The following ATP8B2 variants were observed in gnomAD, a reference collection of about 807,000 sequenced individuals.
The protein encoded by ATP8B2 is ATPase phospholipid transporting 8B2, also known as phospholipid-transporting ATPase ID.
Under a neutral mutation model 133.4 loss-of-function variants are expected in ATP8B2, and 70 were observed. The ratio of observed to expected loss-of-function variants is 0.52; its 90% CI spans 0.43 to 0.64. The LOEUF (loss-of-function observed/expected upper bound fraction) is 0.64. ATP8B2 is among the 30% of genes least tolerant of loss of function. The pLI is 0.00. For synonymous variants in ATP8B2, 517 were observed against 589.5 expected, an observed-to-expected ratio of 0.88 and a Z score of 1.78; for missense variants, 1,101 against 1,535.7, an observed-to-expected ratio of 0.72 and a Z score of 4.73.
chr1:154,344,270 G>A lies in ATP8B2; in HGVS notation c.2035+16G>A. The A allele has an allele frequency of 6.2e-7, 1 of 1,614,200 alleles. No individual in the cohort carries two copies. The highest frequency in any genetic ancestry group is 1.1e-5 in the South Asian group (1 of 91,078). On this transcript the variant is annotated intron_variant, in intron 19 of 27. Transcript: ENST00000368489. The surrounding 1 kb of genome is among the most constrained non-coding windows in gnomAD (Gnocchi z 4.1). ...GACAAGCAAGGTGAGAGCCCAGCAG[G>A]GCAGAGCCAGTTGCAACTGACAGTA...
intron 12 of ATP8B2, 115 bp downstream of exon 12, chr1:154,337,659 T>C (rs2149167580): frequency 6.2e-7 from 1 of 1,606,482 alleles, no homozygotes; most frequent in South Asian, 1.1e-5. Context: ...CTTCTTCCTG[T>C]ACTGTAAACA....
In ATP8B2 at chr1:154,334,033, T is replaced by C; in HGVS notation, c.590-74T>C. ...TGCATCCTCTTCGCTCAGCTCATTT[T>C]CTCTTTGTTTTATTGTCTTGTGGTT... On this transcript the variant is annotated intron_variant, in intron 9 of 27. Transcript: ENST00000368489. The surrounding 1 kb of genome is among the most constrained non-coding windows in gnomAD (Gnocchi z 4.6). The C allele has an allele frequency of 6.4e-7, 1 of 1,553,432 alleles. No individual in the cohort carries two copies. The highest frequency in any genetic ancestry group is 8.8e-7 in the Non-Finnish European group (1 of 1,137,146).
intron 12 of ATP8B2, among the ~76,000 whole-genome samples, chr1:154,338,316 G>A (rs1686259988): frequency 6.6e-6 from 1 of 152,178 alleles, no homozygotes; most frequent in South Asian, 2.1e-4. Context: ...GCTCCTGATT[G>A]TGGAGGCTTT....
rs1321787092 is a variant in ATP8B2 at position 154,334,331 on chromosome 1, T to C, written c.748+66T>C. 1 of 1,584,952 alleles carries C rather than the reference T, an allele frequency of 6.3e-7. No homozygotes were observed. ...CTCAGCCAGCCCTCACTCAGGAGTA[T>C]GGGATGAGGTGGGAGAATACCTAAG... On this transcript the variant is annotated intron_variant, in intron 10 of 27. Coordinates refer to ENST00000368489, the MANE Select transcript of ATP8B2 (RefSeq NM_001370597.1). This position sits in a 1 kb window ranked among gnomAD's most constrained non-coding sequence, Gnocchi z 4.6.
rs548238603 is a variant in ATP8B2, at chr1:154,347,889, C to T, written c.3164-519C>T. Among the ~76,000 whole-genome samples the T allele has an allele frequency of 4.0e-5, 6 of 148,270 alleles. No individual in the cohort carries two copies. In the South Asian group the frequency reaches 6.4e-4, roughly 16 times the overall value. The stretch of plus-strand genomic sequence containing the variant: ...CTGGGAGGTGGAGGTTGTGGTGAGC[C>T]GAGATCGCGCCATTGCACTCCAGCC... On this transcript the variant is annotated intron_variant, in intron 26 of 27. Coordinates refer to ENST00000368489, the MANE Select transcript of ATP8B2 (RefSeq NM_001370597.1).
Position 154,346,084 on chromosome 1 carries a change from C to G in ATP8B2, c.2779-147C>G, listed in dbSNP as rs1686570076. 2 of 1,244,308 alleles carry G rather than the reference C, an allele frequency of 1.6e-6. No homozygotes were observed. Among genetic ancestry groups the G allele is most frequent in the African/African-American group, 1.5e-5 (1 of 66,726 alleles). 77.1% of individuals were successfully genotyped at this position (1,244,308 alleles called of 1,614,324 possible). ...TCTTGGGTTGCTGAACTAAGTTAGT[C>G]TGGGGGTAGCTGGCTTGAGGTTGGT... On this transcript the variant is annotated intron_variant, in intron 24 of 27. Transcript: ENST00000368489. This position sits in a 1 kb window ranked among gnomAD's most constrained non-coding sequence, Gnocchi z 4.5.
At position 154,331,690 on chromosome 1, in the gene ATP8B2, G is replaced by C. The variant is rs1195483456; in HGVS notation, c.438+12G>C. ...ACCAGTTTGTGGCGGTAAGGGACAG[G>C]GTACCCCTCTAGGCCTGTAGGTTCT... On this transcript the variant is annotated intron_variant, in intron 7 of 27. Transcript: ENST00000368489. The surrounding 1 kb of genome is among the most constrained non-coding windows in gnomAD (Gnocchi z 4.8). 6.2e-7 allele frequency: 1 copy of C among 1,612,146 alleles called. No homozygotes were observed. Among genetic ancestry groups the C allele is most frequent in the Non-Finnish European group, 8.5e-7 (1 of 1,178,156 alleles).
At chr1:154,327,924 G>A (rs929831059) in intron 1 of ATP8B2, 181 bp from the exon 2 acceptor site, 6 of 1,566,470 alleles carry the variant, frequency 3.8e-6, no homozygotes, top group Non-Finnish European at 5.3e-6. Flanking sequence ...GATGGGAGGT[G>A]GTGGGGAAGT....
intron 11 of ATP8B2, among the ~76,000 whole-genome samples, chr1:154,337,096 C>A (rs1201253454): frequency 7.5e-6 from 1 of 132,932 alleles, no homozygotes; most frequent in Non-Finnish European, 1.6e-5. Flanking sequence ...CTGCGCCCAG[C>A]CCATAATAGT....
Position 154,343,290 on chromosome 1 carries a change from T to C in ATP8B2, c.1631T>C (p.Met544Thr). ...GACTTCAACAACATCCGCAAGCGGA[T>C]GTCGGTCATAGGTGAGGCCAGGCCT... is the stretch of plus-strand genomic sequence containing the variant. ...ILDFNNIRKR[M>T]SVIVRNPEGK... The change falls in exon 16 of 28, where the codon ATG becomes ACG. Residue 544 changes from methionine to threonine, a missense_variant. Met to Thr is a moderately conservative substitution (Grantham distance 81, BLOSUM62 -1). Coordinates refer to ENST00000368489, the MANE Select transcript of ATP8B2 (RefSeq NM_001370597.1). This position sits in a 1 kb window ranked among gnomAD's most constrained non-coding sequence, Gnocchi z 5.8. 1 of 1,614,130 alleles carries C rather than the reference T, an allele frequency of 6.2e-7. No homozygotes were observed. Among genetic ancestry groups the C allele is most frequent in the Non-Finnish European group, 8.5e-7 (1 of 1,180,006 alleles).
intron 1 of ATP8B2, chr1:154,327,782 G>A (rs368933501): frequency 6.8e-5 from 109 of 1,611,340 alleles, no homozygotes; most frequent in Middle Eastern, 6.6e-4. Flanking sequence ...ACACATGAGA[G>A]CCTCCATTGT....
rs772705531 is a variant in ATP8B2, at chr1:154,345,906, G to T, written c.2778+23G>T. The T allele has an allele frequency of 3.2e-6, 5 of 1,575,444 alleles. No individual in the cohort carries two copies. The highest frequency in any genetic ancestry group is 2.6e-6 in the Non-Finnish European group (3 of 1,144,974). On this transcript the variant is annotated intron_variant, in intron 24 of 27. Coordinates refer to ENST00000368489, the MANE Select transcript of ATP8B2 (RefSeq NM_001370597.1). The surrounding 1 kb of genome is among the most constrained non-coding windows in gnomAD (Gnocchi z 5.6). ...CAGGTATGGGGGAGTTTGATGATCA[G>T]ATGGGATGCGGGGAAGGTCACTGCT...
At position 154,350,345 on chromosome 1, in the gene ATP8B2, A is replaced by C. The variant is rs1461193587; in HGVS notation, c.*1227A>C. The C allele has an allele frequency of 1.3e-5, 2 of 152,232 alleles. No homozygotes were observed. Among genetic ancestry groups the C allele is most frequent in the African/African-American group, 4.8e-5 (2 of 41,438 alleles). 9.4% of individuals were successfully genotyped at this position (152,232 alleles called of 1,614,324 possible). A position where few individuals can be genotyped will look rare whatever the true frequency, so the allele number is the denominator to read the frequency against. ...CAACCTCCCAAAGTGCTGAGATTAC[A>C]GGCGTGAGCCACCACACCCAGCTCA... On this transcript the variant is annotated 3_prime_UTR_variant, in exon 28 of 28. Transcript: ENST00000368489.
intron 13 of ATP8B2, 186 bp downstream of exon 13, chr1:154,341,248 G>A (rs1338683100): frequency 3.4e-5 from 23 of 680,124 alleles, no homozygotes; most frequent in Non-Finnish European, 5.5e-5. Context: ...ACTTTGGGAG[G>A]CTGAGGTGGG....
At chr1:154,337,641 G>A (rs763670395) in intron 12 of ATP8B2, 97 bp downstream of exon 12, 3 of 1,613,450 alleles carry the variant, frequency 1.9e-6, no homozygotes, top group Non-Finnish European at 2.5e-6. Flanking sequence ...GAAGTAACGA[G>A]AAGTCCTCTT....
At chr1:154,332,591 G>A (rs772807167) in intron 8 of ATP8B2, 27 bp from the exon 9 acceptor site, 15 of 1,540,624 alleles carry the variant, frequency 9.7e-6, no homozygotes, top group East Asian at 9.4e-5. Context: ...AGGAGGGAGC[G>A]GGGACTCAGA....
At chr1:154,335,659 C>G (rs1225453564) in intron 11 of ATP8B2, among the ~76,000 whole-genome samples, 1 of 151,966 alleles carries the variant, frequency 6.6e-6, no homozygotes, top group Non-Finnish European at 1.5e-5. Flanking sequence ...CCACTGCACT[C>G]CAGCCTGGGC....
intron 2 of ATP8B2, chr1:154,329,162 T>A (rs1432382399): frequency 3.5e-6 from 4 of 1,144,984 alleles, no homozygotes; most frequent in Non-Finnish European, 4.5e-6. Flanking sequence ...AGCCTCCCCC[T>A]ACCTGCCTTG....
Position 154,344,401 on chromosome 1 carries a change from C to T in ATP8B2, c.2042C>T (p.Ala681Val). ...CTGCGTTCTCTCTTGGTAGAGACGGCTGTGAACATCGGCTATTCCTGCAAG... is the reference window on the plus strand; with the variant it reads ...CTGCGTTCTCTCTTGGTAGAGACGGTTGTGAACATCGGCTATTCCTGCAAG... ...WVLTGDKQET[A>V]VNIGYSCKML... Residue 681 changes from alanine (A) to valine (V), a missense_variant, in exon 20 of 28, where the codon GCT becomes GTT. Ala to Val is a moderately conservative substitution (Grantham distance 64). Coordinates refer to ENST00000368489, the MANE Select transcript of ATP8B2 (RefSeq NM_001370597.1). This position sits in a 1 kb window ranked among gnomAD's most constrained non-coding sequence, Gnocchi z 4.1. The T allele has an allele frequency of 6.2e-7, 1 of 1,614,152 alleles. No individual in the cohort carries two copies. The highest frequency in any genetic ancestry group is 8.5e-7 in the Non-Finnish European group (1 of 1,180,028).
Sources: gnomAD v4.1 joint callset for allele counts (sites outside exome capture counted in the v4.1 genomes callset) on GRCh38, gnomAD v4.1.1 for gene constraint, Gnocchi (gnomAD v3.1) non-coding constraint, MANE v1.5 for transcripts, NCBI Gene and HGNC (gene_info 2026-07-23, HGNC 2026-07-21) for gene names.